Variants in GPM6A observed in about 807,000 individuals in gnomAD.
GPM6A encodes the protein neuronal membrane glycoprotein M6-a.
In GPM6A, 7 loss-of-function variants were observed where a neutral mutation model predicts 32.1. The ratio of observed to expected loss-of-function variants is 0.22; its 90% CI spans 0.12 to 0.41. The LOEUF is 0.41. Among genes scored for constraint, GPM6A ranks in the 10% least tolerant of loss-of-function variants. The probability of loss-of-function intolerance (pLI) is 1.00; values close to 1 mark genes in which losing one functional copy is unlikely to be tolerated. For missense variants in GPM6A, 235 were observed against 347.2 expected (o/e 0.68, Z 2.57); for synonymous variants, 130 against 123.4 (o/e 1.05, Z -0.35).
At chr4:175,982,096 T>G (rs1304067732) in intron 1 of GPM6A, among the ~76,000 whole-genome samples, 1 of 152,128 alleles carries the variant, frequency 6.6e-6, no homozygotes, top group Non-Finnish European at 1.5e-5. Flanking sequence ...TTGCCCTCTG[T>G]TTTCTTGTTA....
At chr4:175,832,378 A>G (rs1735643056) in intron 1 of GPM6A, among the ~76,000 whole-genome samples, 1 of 152,232 alleles carries the variant, frequency 6.6e-6, no homozygotes, top group African/African-American at 2.4e-5. Flanking sequence ...AATGTAGAAT[A>G]TAATGTTATG....
intron 1 of GPM6A, among the ~76,000 whole-genome samples, chr4:175,979,078 T>C (rs1740747006): frequency 6.6e-6 from 1 of 152,176 alleles, no homozygotes; most frequent in South Asian, 2.1e-4. Flanking sequence ...AGCTTTCCCT[T>C]AATTAAAATA....
At chr4:175,750,334 A>G (rs1474776144) in intron 1 of GPM6A, among the ~76,000 whole-genome samples, 1 of 152,188 alleles carries the variant, frequency 6.6e-6, no homozygotes, top group Non-Finnish European at 1.5e-5. Flanking sequence ...TTGGGATTAC[A>G]GGTGTGAGCC....
chr4:175,804,638 A>C (rs1235013486), intron 1 of GPM6A, among the ~76,000 whole-genome samples: 1 of 152,200 alleles, frequency 6.6e-6, no homozygotes, highest in Non-Finnish European at 1.5e-5. Flanking sequence ...AATATTAGCT[A>C]TTATTATTAA....
chr4:175,888,989 T>A (rs1311929731), intron 1 of GPM6A, among the ~76,000 whole-genome samples: 1 of 152,142 alleles, frequency 6.6e-6, no homozygotes, highest in Non-Finnish European at 1.5e-5. Context: ...TAGAAATAGA[T>A]CCCTGTAGTT....
At chr4:175,991,121 AGT>A (rs1480963501) in intron 1 of GPM6A, among the ~76,000 whole-genome samples, 1 of 144,716 alleles carries the variant, frequency 6.9e-6, no homozygotes. Flanking sequence ...CCCAGGCTGG[AGT>A]GCAGTAGCAT....
intron 1 of GPM6A, among the ~76,000 whole-genome samples, chr4:175,721,369 G>A (rs576089885): frequency 2.0e-4 from 31 of 151,600 alleles, no homozygotes; most frequent in South Asian, 8.3e-4. Flanking sequence ...CCAGCTATTC[G>A]GGAGGCTGAG....
intron 1 of GPM6A, among the ~76,000 whole-genome samples, chr4:175,981,219 C>T (rs1740807048): frequency 6.6e-6 from 1 of 151,944 alleles, no homozygotes; most frequent in Non-Finnish European, 1.5e-5. Flanking sequence ...CAAAATCAAC[C>T]AAGGGCAAAG....
chr4:175,791,232 G>T (rs1037726782), intron 1 of GPM6A, among the ~76,000 whole-genome samples: 6 of 152,068 alleles, frequency 3.9e-5, no homozygotes, highest in African/African-American at 1.4e-4. Flanking sequence ...TAAATAAAAT[G>T]TATAGATAGA....
At chr4:175,790,278 C>T in intron 1 of GPM6A, 1 of 152,102 alleles carries the variant, frequency 6.6e-6, no homozygotes, top group East Asian at 1.9e-4. Context: ...GTCATGCCAA[C>T]CAACACAGAG....
chr4:175,849,846 ATAT>A (rs1468853467), intron 1 of GPM6A, among the ~76,000 whole-genome samples: 2 of 152,122 alleles, frequency 1.3e-5, no homozygotes, highest in African/African-American at 2.4e-5. Context: ...CTGGGAAGAG[ATAT>A]TATCTCATTT....
At chr4:175,916,908 T>C (rs1459492200) in intron 1 of GPM6A, among the ~76,000 whole-genome samples, 1 of 152,188 alleles carries the variant, frequency 6.6e-6, no homozygotes, top group East Asian at 1.9e-4. Context: ...AGATTATTAT[T>C]CACATAAAAG....
At chr4:175,917,393 C>T (rs1054494857) in intron 1 of GPM6A, among the ~76,000 whole-genome samples, 1 of 152,146 alleles carries the variant, frequency 6.6e-6, no homozygotes, top group Non-Finnish European at 1.5e-5. Flanking sequence ...ACAGATGCTG[C>T]TGCTGATTTA....
intron 3 of GPM6A, among the ~76,000 whole-genome samples, chr4:175,668,005 T>C: frequency 6.6e-6 from 1 of 152,200 alleles, no homozygotes; most frequent in African/African-American, 2.4e-5. Flanking sequence ...TTTCCATTTC[T>C]GGCTGTTGTA....
At chr4:175,680,536 T>A (rs1474144439) in intron 2 of GPM6A, among the ~76,000 whole-genome samples, 1 of 152,226 alleles carries the variant, frequency 6.6e-6, no homozygotes, top group Non-Finnish European at 1.5e-5. Context: ...TTTTCTTCCC[T>A]TCATTGTGGC....
chr4:175,917,588 T>C (rs1411242512), intron 1 of GPM6A, among the ~76,000 whole-genome samples: 1 of 152,172 alleles, frequency 6.6e-6, no homozygotes, highest in East Asian at 1.9e-4. Flanking sequence ...TGGGCGGCTA[T>C]TAAAAATCCA....
At chr4:175,779,566 T>C (rs1465564143) in intron 1 of GPM6A, among the ~76,000 whole-genome samples, 4 of 152,296 alleles carry the variant, frequency 2.6e-5, no homozygotes, top group Admixed American at 1.3e-4. Flanking sequence ...TCAGGTCTCA[T>C]GGCTCTCAAG....
At chr4:175,979,604 A>G (rs534672261) in intron 1 of GPM6A, among the ~76,000 whole-genome samples, 1 of 152,196 alleles carries the variant, frequency 6.6e-6, no homozygotes, top group African/African-American at 2.4e-5. Context: ...AGTATAATAA[A>G]AAAAATACAT....
intron 1 of GPM6A, among the ~76,000 whole-genome samples, chr4:175,778,505 G>T (rs890099561): frequency 6.6e-6 from 1 of 151,276 alleles, no homozygotes; most frequent in Non-Finnish European, 1.5e-5. Context: ...TGCACCTGTA[G>T]TCCCAGCTAC....
Sources: gnomAD v4.1 joint callset for allele counts (sites outside exome capture counted in the v4.1 genomes callset) on GRCh38, gnomAD v4.1.1 for gene constraint, MANE v1.5 for transcripts, NCBI Gene and HGNC (gene_info 2026-07-23, HGNC 2026-07-21) for gene names.